The following MYO10 variants were observed in gnomAD, a reference collection of about 807,000 sequenced individuals.
The protein encoded by MYO10 is myosin X.
Under a neutral mutation model 257.3 loss-of-function variants are expected in MYO10, and 133 were observed. That is an observed-to-expected ratio of 0.52 (90% CI 0.45 to 0.60). The LOEUF (loss-of-function observed/expected upper bound fraction) is 0.60. MYO10 is among the 20% of genes least tolerant of loss of function. MYO10 has a pLI of 0.00. For missense variants in MYO10, 2,399 were observed against 2,635.7 expected (o/e 0.91, Z 1.97); for synonymous variants, 1,104 against 1,028.6 (o/e 1.07, Z -1.40).
intron 19 of MYO10, chr5:16,741,781 A>C: frequency 1.0e-6 from 1 of 983,774 alleles, no homozygotes; most frequent in Non-Finnish European, 1.2e-6. Flanking sequence ...TTTAAGCAGA[A>C]CAAGAAAGAG....
At chr5:16,862,671 C>G (rs1481265997) in intron 2 of MYO10, among the ~76,000 whole-genome samples, 1 of 152,180 alleles carries the variant, frequency 6.6e-6, no homozygotes, top group African/African-American at 2.4e-5. Flanking sequence ...TCACAAATTA[C>G]TGCCTGGTCG....
intron 29 of MYO10, among the ~76,000 whole-genome samples, chr5:16,685,244 C>A (rs1737195053): frequency 6.6e-6 from 1 of 152,036 alleles, no homozygotes; most frequent in Non-Finnish European, 1.5e-5. Flanking sequence ...TTTTAGGAGA[C>A]AGGGTCAGGC....
chr5:16,763,552 A>G lies in MYO10; in HGVS notation c.1428-5T>C. Reference sequence around the variant, plus strand: ...TCTTCCCACACTAATCCTTCCCTGTAGAAAGATTTTAAACAGCCAAGTTAA... The same window carrying G: ...TCTTCCCACACTAATCCTTCCCTGTGGAAAGATTTTAAACAGCCAAGTTAA... On this transcript the variant is annotated splice_region_variant and splice_polypyrimidine_tract_variant and intron_variant, in intron 13 of 40. Coordinates refer to ENST00000513610, the MANE Select transcript of MYO10 (RefSeq NM_012334.3). The G allele has an allele frequency of 1.2e-6, 2 of 1,609,444 alleles. No individual in the cohort carries two copies. Among genetic ancestry groups the G allele is most frequent in the South Asian group, 2.2e-5 (2 of 90,952 alleles).
intron 1 of MYO10, among the ~76,000 whole-genome samples, chr5:16,931,132 G>A (rs1746283477): frequency 6.6e-6 from 1 of 152,080 alleles, no homozygotes; most frequent in Non-Finnish European, 1.5e-5. Flanking sequence ...TTAGCTGGGT[G>A]TGGTGGTGCA....
Position 16,864,948 on chromosome 5 carries a change from A to T in MYO10, c.120+12661T>A, listed in dbSNP as rs529681428. 3.3e-5 allele frequency among the ~76,000 whole-genome samples: 5 copies of T among 152,256 alleles called. No individual in the cohort carries two copies. The East Asian group carries it at 9.7e-4, about 29-fold the overall frequency. On this transcript the variant is annotated intron_variant, in intron 2 of 40. Coordinates refer to ENST00000513610, the MANE Select transcript of MYO10 (RefSeq NM_012334.3). ...AGTCCCAGTGGTGTTCAATCTCTGG[A>T]GTATAGACCGCTGATTTTAAGGAAC... is the stretch of plus-strand genomic sequence containing the variant.
chr5:16,825,418 C>T (rs562739885), intron 2 of MYO10, among the ~76,000 whole-genome samples: 1 of 152,358 alleles, frequency 6.6e-6, no homozygotes, highest in South Asian at 2.1e-4. Context: ...CCACGACCCA[C>T]AGTGAGAAAT....
chr5:16,830,018 C>T (rs253326), intron 2 of MYO10, among the ~76,000 whole-genome samples: 102,436 of 151,902 alleles, frequency 0.67, 34,829 homozygotes, highest in East Asian at 0.85. Context: ...GGCAGGCGGA[C>T]CACGTGAGGT....
intron 18 of MYO10, among the ~76,000 whole-genome samples, chr5:16,757,314 ACG>A (rs67559413): frequency 0.33 from 21,829 of 65,902 alleles, 2,739 homozygotes; most frequent in African/African-American, 0.37. Context: ...ACACACACAC[ACG>A]CACACACACA....
rs1404225222 is a variant in MYO10, at chr5:16,719,535, C to T, written c.1930-8290G>A. On this transcript the variant is annotated intron_variant, in intron 19 of 40. Coordinates refer to ENST00000513610, the MANE Select transcript of MYO10 (RefSeq NM_012334.3). ...ACAACTCCTTGGGTGCTTCTGAATA[C>T]ATGTTATAATTTATTTCTAGAGTGG... 2.0e-5 allele frequency among the ~76,000 whole-genome samples: 3 copies of T among 152,212 alleles called. No individual in the cohort carries two copies. In the East Asian group the frequency reaches 5.8e-4, roughly 29 times the overall value.
At chr5:16,814,752 G>A (rs1237896967) in intron 3 of MYO10, 3 of 151,924 alleles carry the variant, frequency 2.0e-5, no homozygotes, top group South Asian at 2.1e-4. Context: ...AGCCTCAAAC[G>A]GAAGGTCTAC....
intron 2 of MYO10, among the ~76,000 whole-genome samples, chr5:16,826,004 C>A (rs186865925): frequency 6.6e-6 from 1 of 151,866 alleles, no homozygotes; most frequent in South Asian, 2.1e-4. Context: ...AATAATTAGC[C>A]GGGCATGGTG....
intron 5 of MYO10, 132 bp downstream of exon 5, chr5:16,783,203 T>C: frequency 1.1e-6 from 1 of 947,390 alleles, no homozygotes; most frequent in Non-Finnish European, 1.5e-6. Context: ...GCAAGACCTT[T>C]TCTTAAGGAA....
intron 3 of MYO10, among the ~76,000 whole-genome samples, chr5:16,796,442 CAGAA>C (rs70943805): frequency 0.013 from 1,600 of 120,800 alleles, 33 homozygotes; most frequent in African/African-American, 0.028. Context: ...AAAAGAAAGA[CAGAA>C]AGAAAGAAAG....
intron 30 of MYO10, among the ~76,000 whole-genome samples, chr5:16,682,286 T>C (rs932901380): frequency 1.3e-5 from 2 of 152,198 alleles, no homozygotes; most frequent in Non-Finnish European, 2.9e-5. Context: ...TGAAACTCAG[T>C]TCCGGGAAGG....
chr5:16,753,869 C>T lies in MYO10; in HGVS notation c.1929+959G>A, dbSNP rs143480604. Among the ~76,000 whole-genome samples, 397 of 152,244 alleles carry T rather than the reference C, an allele frequency of 2.6e-3. 3 individuals are homozygous for T. The highest frequency in any genetic ancestry group is 9.3e-3 in the African/African-American group (386 of 41,540). On this transcript the variant is annotated intron_variant, in intron 19 of 40. Coordinates refer to ENST00000513610, the MANE Select transcript of MYO10 (RefSeq NM_012334.3). The stretch of plus-strand genomic sequence containing the variant: ...GGTTGGCATTATAAAAGATAAGATC[C>T]AGCATCAGTCAAATTACCAGAATAT...
At chr5:16,737,622 C>T (rs577576492) in intron 19 of MYO10, among the ~76,000 whole-genome samples, 1 of 152,122 alleles carries the variant, frequency 6.6e-6, no homozygotes, top group African/African-American at 2.4e-5. Context: ...TTTTTATTGA[C>T]AGCAAATAAA....
chr5:16,700,286 A>G (rs1737982956), intron 25 of MYO10, among the ~76,000 whole-genome samples: 1 of 152,168 alleles, frequency 6.6e-6, no homozygotes, highest in Non-Finnish European at 1.5e-5. Context: ...ATGTGTCTTC[A>G]TTTCCTAACG....
chr5:16,786,178 C>G (rs1741574283), intron 4 of MYO10, among the ~76,000 whole-genome samples: 1 of 152,128 alleles, frequency 6.6e-6, no homozygotes, highest in African/African-American at 2.4e-5. Flanking sequence ...GATTTGATGG[C>G]TGTCTGTCAT....
intron 9 of MYO10, among the ~76,000 whole-genome samples, chr5:16,776,374 T>C (rs1292245818): frequency 6.6e-6 from 1 of 152,148 alleles, no homozygotes; most frequent in Non-Finnish European, 1.5e-5. Context: ...AATTTTGCTA[T>C]TATTATAGCA....
Sources: gnomAD v4.1 joint callset for allele counts (sites outside exome capture counted in the v4.1 genomes callset) on GRCh38, gnomAD v4.1.1 for gene constraint, MANE v1.5 for transcripts, NCBI Gene and HGNC (gene_info 2026-07-23, HGNC 2026-07-21) for gene names.